Variants in SKAP1 observed in about 807,000 individuals in gnomAD.
SKAP1 encodes the protein src kinase associated phosphoprotein 1, also known as src kinase-associated phosphoprotein 1.
A neutral mutation model predicts 58.5 loss-of-function variants in SKAP1; 44 were observed. The observed-to-expected ratio is 0.75, with a 90% CI of 0.59 to 0.97. The LOEUF (loss-of-function observed/expected upper bound fraction) is 0.97. SKAP1 is among the 50% of genes least tolerant of loss of function. SKAP1 has a pLI of 0.00. For synonymous variants in SKAP1, 127 were observed against 149.7 expected, an observed-to-expected ratio of 0.85 and a Z score of 1.11; for missense variants, 390 against 435.2, an observed-to-expected ratio of 0.90 and a Z score of 0.92.
intron 4 of SKAP1, among the ~76,000 whole-genome samples, chr17:48,266,537 G>A (rs1380143803): frequency 7.1e-6 from 1 of 140,074 alleles, no homozygotes; most frequent in Admixed American, 7.4e-5. Context: ...TTGAGACAGA[G>A]TCTCACTCTG....
At chr17:48,310,099 G>C (rs958739561) in intron 4 of SKAP1, among the ~76,000 whole-genome samples, 1 of 152,198 alleles carries the variant, frequency 6.6e-6, no homozygotes, top group African/African-American at 2.4e-5. Context: ...AGTTTTTGCT[G>C]CATGCACCAA....
chr17:48,257,325 T>G (rs1026814416), intron 4 of SKAP1, among the ~76,000 whole-genome samples: 3 of 152,102 alleles, frequency 2.0e-5, no homozygotes, highest in African/African-American at 7.2e-5. Context: ...TTTTTCACAT[T>G]TACCTGGATT....
rs150525985 is a variant in SKAP1 at position 48,225,623 on chromosome 17, G to GA, written c.281-36124dup. On this transcript the variant is annotated intron_variant, in intron 4 of 12. Coordinates refer to ENST00000336915, the MANE Select transcript of SKAP1 (RefSeq NM_003726.4). ...GGTTGCTGAGCCCTAGATGCCCATG[G>GA]AAAAAAGCTTTTTCTCCTTGTTTTT... Among the ~76,000 whole-genome samples the GA allele has an allele frequency of 4.7e-3, 710 of 152,198 alleles. 3 individuals carry two copies. The highest frequency in any genetic ancestry group is 0.016 in the African/African-American group (665 of 41,534).
chr17:48,199,746 C>T (rs564097966), intron 4 of SKAP1, among the ~76,000 whole-genome samples: 1 of 152,070 alleles, frequency 6.6e-6, no homozygotes, highest in East Asian at 1.9e-4. Context: ...AGGGCTATTC[C>T]TGGGAAAAGA....
chr17:48,383,016 G>A (rs2067234931), intron 2 of SKAP1, among the ~76,000 whole-genome samples: 1 of 152,162 alleles, frequency 6.6e-6, no homozygotes, highest in Admixed American at 6.6e-5. Context: ...ACTGGCCCAA[G>A]AACTGCTTGA....
intron 1 of SKAP1, among the ~76,000 whole-genome samples, chr17:48,423,172 C>A (rs2067816563): frequency 6.6e-6 from 1 of 152,156 alleles, no homozygotes; most frequent in African/African-American, 2.4e-5. Context: ...GACCTTGATA[C>A]TAACTAGTGA....
At chr17:48,257,172 A>C (rs932189041) in intron 4 of SKAP1, among the ~76,000 whole-genome samples, 4 of 152,098 alleles carry the variant, frequency 2.6e-5, no homozygotes, top group Admixed American at 2.0e-4. Flanking sequence ...ACTTTTAAAA[A>C]CAAGTCTCAT....
chr17:48,275,094 T>A (rs936534398), intron 4 of SKAP1, among the ~76,000 whole-genome samples: 2 of 152,308 alleles, frequency 1.3e-5, no homozygotes, highest in South Asian at 4.1e-4. Flanking sequence ...GCTGTTTCAT[T>A]CCCTTTCACT....
At chr17:48,167,281 G>A (rs1007783498) in intron 10 of SKAP1, among the ~76,000 whole-genome samples, 5 of 152,186 alleles carry the variant, frequency 3.3e-5, no homozygotes, top group Non-Finnish European at 7.3e-5. Context: ...TTATTTCATA[G>A]CCCTTTAATC....
At chr17:48,291,635 T>C (rs534197366) in intron 4 of SKAP1, among the ~76,000 whole-genome samples, 1 of 152,362 alleles carries the variant, frequency 6.6e-6, no homozygotes, top group African/African-American at 2.4e-5. Flanking sequence ...GCTCTATAGA[T>C]ATAATAACAA....
At chr17:48,227,344 G>A (rs2065081251) in intron 4 of SKAP1, among the ~76,000 whole-genome samples, 1 of 152,144 alleles carries the variant, frequency 6.6e-6, no homozygotes, top group South Asian at 2.1e-4. Context: ...TCTGCAGTTT[G>A]GTCTGCAGAA....
At chr17:48,435,198 C>G (rs2067933528), upstream of SKAP1, among the ~76,000 whole-genome samples, 1 of 151,644 alleles carries the variant, frequency 6.6e-6, no homozygotes, top group African/African-American at 2.4e-5. Context: ...TATCACTCCT[C>G]TTATTATTTT....
chr17:48,237,965 T>C (rs2065200210), intron 4 of SKAP1, among the ~76,000 whole-genome samples: 1 of 151,088 alleles, frequency 6.6e-6, no homozygotes, highest in African/African-American at 2.4e-5. Context: ...GCTTTTGTTG[T>C]TGTTGTTGTT....
At chr17:48,271,444 G>A (rs1285097402) in intron 4 of SKAP1, among the ~76,000 whole-genome samples, 1 of 139,294 alleles carries the variant, frequency 7.2e-6, no homozygotes, top group African/African-American at 2.7e-5. Flanking sequence ...ACAGCTCACT[G>A]CAGCCTTGGC....
the SKAP1 span, among the ~76,000 whole-genome samples, chr17:48,441,653 A>G: frequency 3.9e-5 from 6 of 152,198 alleles, no homozygotes; most frequent in African/African-American, 1.4e-4. Context: ...AAGGCCATTG[A>G]GGAGAGTATA....
At chr17:48,192,191 A>AG (rs398119844) in intron 4 of SKAP1, among the ~76,000 whole-genome samples, 4 of 151,068 alleles carry the variant, frequency 2.6e-5, no homozygotes, top group Non-Finnish European at 4.4e-5. Context: ...AAAAAAAAAA[A>AG]TTGCTCCTGG....
intron 11 of SKAP1, among the ~76,000 whole-genome samples, chr17:48,147,150 A>G (rs1273854319): frequency 1.3e-5 from 2 of 152,204 alleles, no homozygotes; most frequent in East Asian, 1.9e-4. Flanking sequence ...AAAGTTCCCT[A>G]TATCAGTGCT....
chr17:48,158,782 A>AT (rs1326059339), intron 11 of SKAP1, among the ~76,000 whole-genome samples: 1 of 150,890 alleles, frequency 6.6e-6, no homozygotes, highest in African/African-American at 2.4e-5. Context: ...AACACGGTGA[A>AT]ACCGCGTCTC....
intron 4 of SKAP1, among the ~76,000 whole-genome samples, chr17:48,255,914 T>G (rs1367937946): frequency 1.3e-5 from 2 of 152,142 alleles, no homozygotes; most frequent in African/African-American, 4.8e-5. Flanking sequence ...GAAATAAAAC[T>G]GACACTGCAA....
Sources: allele counts gnomAD v4.1 joint callset (sites outside exome capture counted in the v4.1 genomes callset), GRCh38; gene constraint gnomAD v4.1.1; transcripts MANE v1.5; gene names NCBI Gene and HGNC (gene_info 2026-07-23, HGNC 2026-07-21).